The following AFF3 variants were observed in gnomAD, a reference collection of about 807,000 sequenced individuals.
The protein encoded by AFF3 is AF4/FMR2 family member 3.
Under a neutral mutation model 129.7 loss-of-function variants are expected in AFF3, and 32 were observed. The observed-to-expected ratio is 0.25, with a 90% CI of 0.19 to 0.33. AFF3 has a LOEUF of 0.33. AFF3 is among the 10% of genes least tolerant of loss of function. The pLI, the probability that AFF3 is intolerant of heterozygous loss-of-function variation, is 1.00. For missense variants in AFF3, 1,373 were observed against 1,592.0 expected (o/e 0.86, Z 2.34); for synonymous variants, 644 against 635.4 (o/e 1.01, Z -0.20).
At chr2:99,632,267 G>A (rs536287617) in intron 13 of AFF3, among the ~76,000 whole-genome samples, 2 of 152,028 alleles carry the variant, frequency 1.3e-5, no homozygotes, top group South Asian at 4.2e-4. Context: ...TGCCCGCTTC[G>A]GCCTCCCACA....
At chr2:99,638,229 TTTGTATTTTTAG>T (rs1286680241) in intron 13 of AFF3, among the ~76,000 whole-genome samples, 25 of 152,108 alleles carry the variant, frequency 1.6e-4, no homozygotes, top group Non-Finnish European at 3.1e-4. Context: ...CCGACTAATT[TTTGTATTTTTAG>T]TAGAGATGAA....
chr2:100,052,330 G>A (rs1222146648), intron 4 of AFF3, among the ~76,000 whole-genome samples: 1 of 152,116 alleles, frequency 6.6e-6, no homozygotes, highest in Non-Finnish European at 1.5e-5. Context: ...GGGAAGTTAC[G>A]AAGAAAAAGG....
chr2:99,950,374 T>C lies in AFF3; in HGVS notation c.873+56258A>G, dbSNP rs139741544. On this transcript the variant is annotated intron_variant, in intron 7 of 24. Transcript: ENST00000672756. ...AAAATAAGTTAAAGAAGAGTAAGTA[T>C]GTGGGTGAATATGTGGTAGAGGTTC... Among the ~76,000 whole-genome samples, 1,309 of 152,280 alleles carry C rather than the reference T, an allele frequency of 8.6e-3. 12 individuals carry two copies. Among genetic ancestry groups the C allele is most frequent in the Non-Finnish European group, 0.014 (980 of 68,012 alleles).
At chr2:99,658,221 C>T (rs1477413832) in intron 12 of AFF3, among the ~76,000 whole-genome samples, 4 of 152,286 alleles carry the variant, frequency 2.6e-5, no homozygotes, top group Admixed American at 2.0e-4. Flanking sequence ...ATACATGGCA[C>T]CCTGCAGGGC....
chr2:99,637,316 T>C (rs1428212960), intron 13 of AFF3, among the ~76,000 whole-genome samples: 1 of 152,246 alleles, frequency 6.6e-6, no homozygotes, highest in African/African-American at 2.4e-5. Context: ...CACCCACTCA[T>C]CACAGATGCT....
intron 13 of AFF3, among the ~76,000 whole-genome samples, chr2:99,605,171 C>T (rs143581625): frequency 2.0e-5 from 3 of 152,320 alleles, no homozygotes; most frequent in East Asian, 1.9e-4. Flanking sequence ...AAACCTTATA[C>T]GTTAATGTTT....
chr2:99,668,649 G>A (rs566209054), intron 12 of AFF3, among the ~76,000 whole-genome samples: 2 of 151,682 alleles, frequency 1.3e-5, no homozygotes, highest in Non-Finnish European at 2.9e-5. Context: ...TGCAACCTCC[G>A]CCTCCCAGGT....
chr2:99,695,938 G>GAAAAAAAGAAAAAAA (rs1676182772), intron 11 of AFF3, among the ~76,000 whole-genome samples: 1 of 57,648 alleles, frequency 1.7e-5, no homozygotes, highest in East Asian at 6.4e-4. Flanking sequence ...CTGGAAAAAT[G>GAAAAAAAGAAAAAAA]AAAAAAAAAA....
At position 100,081,205 on chromosome 2, in the gene AFF3, C is replaced by T. The variant is rs1452312216; in HGVS notation, c.53+23197G>A. ...AACCCTAAAATCCCTGACTTCACCACTATGCAATATAAGCAAGTTACAAAA... is the reference window on the plus strand; with the variant it reads ...AACCCTAAAATCCCTGACTTCACCATTATGCAATATAAGCAAGTTACAAAA... On this transcript the variant is annotated intron_variant, in intron 4 of 24. Coordinates refer to ENST00000672756, the MANE Select transcript of AFF3 (RefSeq NM_001386135.1). 2.6e-5 allele frequency among the ~76,000 whole-genome samples: 4 copies of T among 152,114 alleles called. No homozygotes were observed. The East Asian group carries it at 5.8e-4, about 22-fold the overall frequency.
At chr2:99,955,338 C>G (rs1379230606) in intron 7 of AFF3, among the ~76,000 whole-genome samples, 1 of 152,038 alleles carries the variant, frequency 6.6e-6, no homozygotes, top group Non-Finnish European at 1.5e-5. Flanking sequence ...ATAATTATTC[C>G]AAGGCAGCAA....
At chr2:99,584,241 G>A (rs1677865626) in intron 16 of AFF3, among the ~76,000 whole-genome samples, 1 of 152,012 alleles carries the variant, frequency 6.6e-6, no homozygotes, top group African/African-American at 2.4e-5. Context: ...GCCAAGGTGG[G>A]CGTATCACTT....
intron 2 of AFF3, 136 bp downstream of exon 2, chr2:100,129,088 G>C (rs546562803): frequency 6.6e-5 from 10 of 152,266 alleles, no homozygotes; most frequent in African/African-American, 2.2e-4. Context: ...CATTGACTGG[G>C]TTAGCAGCAG....
chr2:100,084,731 A>T (rs1000079202), intron 4 of AFF3, among the ~76,000 whole-genome samples: 1 of 152,208 alleles, frequency 6.6e-6, no homozygotes, highest in Non-Finnish European at 1.5e-5. Flanking sequence ...TAAAATATGC[A>T]TAGGTATAAA....
At chr2:100,095,890 G>A (rs1199811546) in intron 4 of AFF3, among the ~76,000 whole-genome samples, 1 of 152,192 alleles carries the variant, frequency 6.6e-6, no homozygotes, top group South Asian at 2.1e-4. Flanking sequence ...CTCCGGTAAC[G>A]GCGCAGAGAG....
chr2:99,952,650 T>C (rs1246427246), intron 7 of AFF3, among the ~76,000 whole-genome samples: 4 of 152,214 alleles, frequency 2.6e-5, no homozygotes, highest in African/African-American at 9.6e-5. Context: ...ATAAAAATTA[T>C]ATTAAAAACT....
intron 8 of AFF3, among the ~76,000 whole-genome samples, chr2:99,822,776 A>G (rs1266918221): frequency 6.6e-6 from 1 of 152,210 alleles, no homozygotes; most frequent in East Asian, 1.9e-4. Context: ...CTCCTCATCC[A>G]TACGGTAACT....
chr2:99,707,147 C>T (rs1677477685), intron 11 of AFF3: 2 of 985,296 alleles, frequency 2.0e-6, no homozygotes, highest in African/African-American at 3.5e-5. Flanking sequence ...AAGTCAAAAA[C>T]TAGTAAACTT....
chr2:99,803,164 T>C (rs1686086298), intron 8 of AFF3, among the ~76,000 whole-genome samples: 1 of 152,232 alleles, frequency 6.6e-6, no homozygotes. Flanking sequence ...GATAAAGTGT[T>C]GCTGGATTTT....
chr2:99,582,776 G>A lies in AFF3; in HGVS notation c.2793+22C>T, dbSNP rs755743426. 7.4e-6 allele frequency: 12 copies of A among 1,612,830 alleles called. No homozygotes were observed. In the African/African-American group the frequency reaches 1.5e-4, roughly 20 times the overall value. On this transcript the variant is annotated intron_variant, in intron 17 of 24. Transcript: ENST00000672756. ...TCAATTTCATTTTGGTTTTAATTGG[G>A]AAAGGAAGAGCATCAACAAACCGTG...
Sources: gnomAD v4.1 joint callset for allele counts (sites outside exome capture counted in the v4.1 genomes callset) on GRCh38, gnomAD v4.1.1 for gene constraint, MANE v1.5 for transcripts, NCBI Gene and HGNC (gene_info 2026-07-23, HGNC 2026-07-21) for gene names.